The following LMTK2 variants were observed in gnomAD, a reference collection of about 807,000 sequenced individuals.
LMTK2 encodes lemur tail kinase 2, also known as serine/threonine-protein kinase LMTK2.
A neutral mutation model predicts 127.5 loss-of-function variants in LMTK2; 37 were observed. The observed-to-expected ratio is 0.29, with a 90% CI of 0.22 to 0.38. LMTK2 has a LOEUF of 0.38. Among genes scored for constraint, LMTK2 ranks in the 10% least tolerant of loss-of-function variants. The probability of loss-of-function intolerance (pLI) is 1.00; values close to 1 mark genes in which losing one functional copy is unlikely to be tolerated. For missense variants in LMTK2, 1,694 were observed against 1,920.3 expected (o/e 0.88, Z 2.20); for synonymous variants, 819 against 810.1 (o/e 1.01, Z -0.19).
At chr7:98,179,365 T>C (rs1363559313) in intron 7 of LMTK2, among the ~76,000 whole-genome samples, 1 of 152,116 alleles carries the variant, frequency 6.6e-6, no homozygotes, top group Admixed American at 6.5e-5. Context: ...GATGCTGGCA[T>C]CCAGCTCCTT....
At chr7:98,190,655 A>G (rs1797509273) in intron 9 of LMTK2, 73 bp from the exon 10 acceptor site, 2 of 1,339,538 alleles carry the variant, frequency 1.5e-6, no homozygotes, top group Non-Finnish European at 1.1e-6. Flanking sequence ...ATTACTGGCT[A>G]TGTAACAAGT....
intron 1 of LMTK2, among the ~76,000 whole-genome samples, chr7:98,116,413 CGTGTGTTTGTGCGT>C (rs1562894850): frequency 6.0e-5 from 9 of 149,536 alleles, no homozygotes; most frequent in African/African-American, 2.2e-4. Context: ...TGTGCATGTG[CGTGTGTTTGTGCGT>C]GTGTGTGTGT....
intron 1 of LMTK2, among the ~76,000 whole-genome samples, chr7:98,130,517 C>G (rs532072678): frequency 6.6e-6 from 1 of 152,070 alleles, no homozygotes; most frequent in Non-Finnish European, 1.5e-5. Flanking sequence ...TAAATTCATA[C>G]GTGGAAACCC....
At chr7:98,136,478 T>C (rs983030550) in intron 1 of LMTK2, among the ~76,000 whole-genome samples, 2 of 152,232 alleles carry the variant, frequency 1.3e-5, no homozygotes, top group African/African-American at 4.8e-5. Context: ...ATATTACTAA[T>C]TACTGGAGGG....
chr7:98,163,825 G>A (rs1797049902), intron 6 of LMTK2, among the ~76,000 whole-genome samples: 2 of 151,522 alleles, frequency 1.3e-5, no homozygotes. Flanking sequence ...CCTGCCCCCT[G>A]GCCGCAATAC....
intron 1 of LMTK2, among the ~76,000 whole-genome samples, chr7:98,119,238 T>C (rs975840909): frequency 3.3e-5 from 5 of 152,168 alleles, no homozygotes; most frequent in African/African-American, 1.2e-4. Flanking sequence ...ACAACACACA[T>C]ATTTCATCTT....
At chr7:98,127,402 C>G (rs1459660774) in intron 1 of LMTK2, among the ~76,000 whole-genome samples, 2 of 152,202 alleles carry the variant, frequency 1.3e-5, no homozygotes. Context: ...CCCTTAGCTT[C>G]CCTCAGTTCT....
Position 98,193,074 on chromosome 7 carries a change from T to G in LMTK2, c.2609T>G (p.Leu870Arg), listed in dbSNP as rs778265139. The change falls in exon 11 of 14, where the codon CTC (leucine) becomes CGC (arginine). Residue 870 changes from leucine to arginine, a missense_variant. Physicochemically the swap from Leu to Arg is moderately radical, Grantham distance 102 (BLOSUM62 -2). Transcript: ENST00000297293. The surrounding 1 kb of genome is among the most constrained non-coding windows in gnomAD (Gnocchi z 4.1). ...PDAVTVPVEI[L>R]STDARTHSLD... Reference sequence around the variant, plus strand: ...GCTGTGACTGTCCCGGTTGAAATTCTCTCAACTGATGCCAGAACCCACAGC... The same window carrying G: ...GCTGTGACTGTCCCGGTTGAAATTCGCTCAACTGATGCCAGAACCCACAGC... 6.8e-6 allele frequency: 11 copies of G among 1,613,742 alleles called. No homozygotes were observed. In the African/African-American group the frequency reaches 8.0e-5, roughly 12 times the overall value.
chr7:98,163,628 G>T (rs1797046116), intron 6 of LMTK2, among the ~76,000 whole-genome samples: 1 of 152,212 alleles, frequency 6.6e-6, no homozygotes, highest in African/African-American at 2.4e-5. Context: ...CCCACCGTGT[G>T]GCAAGAACGG....
At chr7:98,191,238 G>A (rs1437001165) in intron 10 of LMTK2, among the ~76,000 whole-genome samples, 2 of 152,134 alleles carry the variant, frequency 1.3e-5, no homozygotes, top group East Asian at 1.9e-4. Context: ...GTGAGCCAGG[G>A]TGCCTGGCCT....
rs186290356 is a variant in LMTK2, at chr7:98,115,359, T to C, written c.103+8079T>C. ...TGAACCCAGGAGGCAGAGGTTGCAG[T>C]GAGCCGAGATCATGCCATTGCACAC... On this transcript the variant is annotated intron_variant, in intron 1 of 13. Transcript: ENST00000297293. Among the ~76,000 whole-genome samples, 1,005 of 150,906 alleles carry C rather than the reference T, an allele frequency of 6.7e-3. 13 individuals carry two copies. Among genetic ancestry groups the C allele is most frequent in the African/African-American group, 0.023 (953 of 41,028 alleles).
chr7:98,204,277 C>T (rs961978476), intron 13 of LMTK2, 91 bp downstream of exon 13: 12 of 1,478,872 alleles, frequency 8.1e-6, no homozygotes, highest in Middle Eastern at 3.7e-4. Flanking sequence ...GCCTGATAAT[C>T]TCATGTCTTC....
At chr7:98,167,613 A>G (rs1164481689) in intron 6 of LMTK2, among the ~76,000 whole-genome samples, 1 of 152,202 alleles carries the variant, frequency 6.6e-6, no homozygotes, top group Non-Finnish European at 1.5e-5. Flanking sequence ...GGTCTGACGC[A>G]CTTGGAAAAC....
chr7:98,141,412 T>A lies in LMTK2; in HGVS notation c.247T>A (p.Phe83Ile). 1 of 1,613,822 alleles carries A rather than the reference T, an allele frequency of 6.2e-7. No individual in the cohort carries two copies. Among genetic ancestry groups the A allele is most frequent in the Non-Finnish European group, 8.5e-7 (1 of 1,179,746 alleles). ...EIDFKEFEDN[F>I]DDEIDFTPPA... ...TTCATTTTAGGAATTTGAAGATAAT[T>A]TTGATGATGAGATAGATTTCACACC... The change falls in exon 3 of 14, where the codon TTT becomes ATT. Residue 83 changes from phenylalanine (F) to isoleucine (I), a missense_variant. Coordinates refer to ENST00000297293, the MANE Select transcript of LMTK2 (RefSeq NM_014916.4).
chr7:98,197,645 G>T (rs1382717511), intron 11 of LMTK2, among the ~76,000 whole-genome samples: 1 of 152,168 alleles, frequency 6.6e-6, no homozygotes, highest in Non-Finnish European at 1.5e-5. Context: ...TTAAGGCCAG[G>T]AGGTGAGACT....
chr7:98,134,594 C>T (rs1056654206), intron 1 of LMTK2, among the ~76,000 whole-genome samples: 1 of 151,168 alleles, frequency 6.6e-6, no homozygotes, highest in African/African-American at 2.4e-5. Flanking sequence ...GTGGGTGGCG[C>T]ACTTGAGCAC....
chr7:98,190,715 C>T lies in LMTK2; in HGVS notation c.999-13C>T, dbSNP rs1797510445. On this transcript the variant is annotated splice_polypyrimidine_tract_variant and intron_variant, in intron 9 of 13. Coordinates refer to ENST00000297293, the MANE Select transcript of LMTK2 (RefSeq NM_014916.4). ...AAAGGGAGAGAGAAACAGCCATTTTCTTTTTCCAACAGGTCTCTGGGTGTG... is the reference window on the plus strand; with the variant it reads ...AAAGGGAGAGAGAAACAGCCATTTTTTTTTTCCAACAGGTCTCTGGGTGTG... 1 of 1,613,302 alleles carries T rather than the reference C, an allele frequency of 6.2e-7. No homozygotes were observed. Among genetic ancestry groups the T allele is most frequent in the African/African-American group, 1.3e-5 (1 of 74,898 alleles).
At position 98,205,668 on chromosome 7, in the gene LMTK2, GC is replaced by G; in HGVS notation, c.*179del. On this transcript the variant is annotated 3_prime_UTR_variant, in exon 14 of 14. Transcript: ENST00000297293. Reference sequence around the variant, plus strand: ...TGCGTTCAAGGCGGGGCCCTCGGGAGCCCAGGTGCAGAGCGAGGCCGTGTCC... The same window carrying G: ...TGCGTTCAAGGCGGGGCCCTCGGGAGCCAGGTGCAGAGCGAGGCCGTGTCC... 1 of 698,808 alleles carries G rather than the reference GC, an allele frequency of 1.4e-6. No individual in the cohort carries two copies. Among genetic ancestry groups the G allele is most frequent in the South Asian group, 1.7e-5 (1 of 57,228 alleles). The allele number at this position is 698,808 out of a possible 1,614,324, so 43.3% of individuals were successfully genotyped here.
chr7:98,155,762 C>T (rs893114795), intron 5 of LMTK2, among the ~76,000 whole-genome samples: 1 of 151,350 alleles, frequency 6.6e-6, no homozygotes, highest in East Asian at 1.9e-4. Context: ...TACCAGCAAA[C>T]CTGCCTTAGA....
Sources: gnomAD v4.1 joint callset for allele counts (sites outside exome capture counted in the v4.1 genomes callset) on GRCh38, gnomAD v4.1.1 for gene constraint, Gnocchi (gnomAD v3.1) non-coding constraint, MANE v1.5 for transcripts, NCBI Gene and HGNC (gene_info 2026-07-23, HGNC 2026-07-21) for gene names.